Variants in LTBP1 observed in about 807,000 individuals in gnomAD.
LTBP1 encodes the protein latent-transforming growth factor beta-binding protein 1.
A neutral mutation model predicts 207.6 loss-of-function variants in LTBP1; 129 were observed. That is an observed-to-expected ratio of 0.62 (90% CI 0.54 to 0.72). The LOEUF (loss-of-function observed/expected upper bound fraction) is 0.72, where lower values mean the gene tolerates loss of function less well. Among genes scored for constraint, LTBP1 ranks in the 30% least tolerant of loss-of-function variants. The pLI, the probability that LTBP1 is intolerant of heterozygous loss-of-function variation, is 0.00. For missense variants in LTBP1, 2,281 were observed against 2,217.2 expected, an observed-to-expected ratio of 1.03 and a Z score of -0.58; for synonymous variants, 963 against 833.7, an observed-to-expected ratio of 1.16 and a Z score of -2.67.
At chr2:33,122,259 C>T (rs2081176475) in intron 4 of LTBP1, among the ~76,000 whole-genome samples, 1 of 152,190 alleles carries the variant, frequency 6.6e-6, no homozygotes, top group Admixed American at 6.5e-5. Flanking sequence ...CTGCCAACTC[C>T]CTTGAAATGT....
chr2:33,128,053 T>C (rs1046108915), intron 4 of LTBP1, among the ~76,000 whole-genome samples: 2 of 152,136 alleles, frequency 1.3e-5, no homozygotes, highest in East Asian at 1.9e-4. Flanking sequence ...AAGTGTGTGG[T>C]AGAGATAATT....
rs868717776 is a variant in LTBP1 at position 33,293,167 on chromosome 2, C to T, written c.3120C>T (p.Asp1040=). The stretch of plus-strand genomic sequence containing the variant: ...TACGCAACATTCTTCAAGATGTGGA[C>T]GAGTGCCTGGAACCAAACGTCTGCG... ...RGWNGQCLDV[D]ECLEPNVCAN... The change falls in exon 20 of 34, where the codon GAC becomes GAT. Residue 1040 remains aspartate, a synonymous_variant. Transcript: ENST00000404816. The T allele has an allele frequency of 1.9e-6, 3 of 1,612,666 alleles. No individual in the cohort carries two copies. The highest frequency in any genetic ancestry group is 1.1e-5 in the South Asian group (1 of 90,640).
At chr2:33,259,556 G>A (rs1349327553) in intron 12 of LTBP1, 32 bp from the exon 13 acceptor site, 1 of 1,551,364 alleles carries the variant, frequency 6.4e-7, no homozygotes, top group African/African-American at 1.4e-5. Context: ...GTCTTAAATG[G>A]TACTAATACC....
At chr2:33,361,586 T>G in intron 28 of LTBP1, 71 bp downstream of exon 28, 1 of 1,103,430 alleles carries the variant, frequency 9.1e-7, no homozygotes, top group East Asian at 2.4e-5. Flanking sequence ...AAACATGGCT[T>G]GGGTTTCACA....
intron 26 of LTBP1, among the ~76,000 whole-genome samples, chr2:33,352,239 C>G (rs893634928): frequency 1.3e-5 from 2 of 152,098 alleles, no homozygotes; most frequent in African/African-American, 4.8e-5. Flanking sequence ...TCAAGTGATT[C>G]TCCTGCCTCA....
At chr2:33,294,046 C>A (rs548818164) in intron 20 of LTBP1, among the ~76,000 whole-genome samples, 8 of 114,068 alleles carry the variant, frequency 7.0e-5, no homozygotes, top group Non-Finnish European at 1.3e-4. Flanking sequence ...CACTGTGTTG[C>A]CCAGGCTAGA....
chr2:33,361,520 G>C lies in LTBP1; in HGVS notation c.4270+5G>C. 1.2e-6 allele frequency: 2 copies of C among 1,605,222 alleles called. No individual in the cohort carries two copies. The highest frequency in any genetic ancestry group is 1.7e-6 in the Non-Finnish European group (2 of 1,173,498). On this transcript the variant is annotated splice_donor_5th_base_variant and intron_variant, in intron 28 of 33. Transcript: ENST00000404816. ...CTGGTGGTGAGAACTATAAAGGTCA[G>C]AATCAAGTGGAAACAAATTTTCAGC...
At chr2:33,016,143 T>C (rs1484246569) in intron 2 of LTBP1, among the ~76,000 whole-genome samples, 11 of 152,140 alleles carry the variant, frequency 7.2e-5, no homozygotes, top group East Asian at 1.9e-4. Context: ...ATTGTTCTCA[T>C]TGGATTGAGG....
rs914900378 is a variant in LTBP1, at chr2:33,399,439, G to A, written c.*894G>A. ...ACTCTCCCCACTTTTATCTTTTCCA[G>A]TGGTCTTCTGTTAATGTAGTGTCTT... is the stretch of plus-strand genomic sequence containing the variant. On this transcript the variant is annotated 3_prime_UTR_variant, in exon 34 of 34. Transcript: ENST00000404816. 6.6e-6 allele frequency: 1 copy of A among 152,152 alleles called. No individual in the cohort carries two copies. Among genetic ancestry groups the A allele is most frequent in the South Asian group, 2.1e-4 (1 of 4,830 alleles). The allele number at this position is 152,152 out of a possible 1,614,324, so 9.4% of individuals were successfully genotyped here.
intron 2 of LTBP1, among the ~76,000 whole-genome samples, chr2:32,972,159 C>T (rs1208403617): frequency 2.1e-5 from 3 of 143,480 alleles, no homozygotes; most frequent in African/African-American, 7.6e-5. Flanking sequence ...TCTTCTTTAT[C>T]ATTTCTGATT....
At chr2:33,144,299 C>T (rs1261201991) in intron 5 of LTBP1, among the ~76,000 whole-genome samples, 1 of 152,180 alleles carries the variant, frequency 6.6e-6, no homozygotes, top group Admixed American at 6.5e-5. Flanking sequence ...CTTGTTTACA[C>T]TTAAGCTTGC....
Position 33,315,197 on chromosome 2 carries a change from A to G in LTBP1, c.3658A>G (p.Asn1220Asp), listed in dbSNP as rs1411833700. 1.2e-6 allele frequency: 2 copies of G among 1,613,424 alleles called. No homozygotes were observed. The highest frequency in any genetic ancestry group is 1.7e-6 in the Non-Finnish European group (2 of 1,179,786). The change falls in exon 24 of 34, where the codon AAC becomes GAC. Residue 1220 changes from asparagine to aspartate, a missense_variant. By Grantham distance (23) the Asn-to-Asp change is conservative. Around this residue, in one of 3 missense-constraint regions of LTBP1, gnomAD observed 1,671 missense variants for 1,634.8 expected, o/e 1.02. Transcript: ENST00000404816. Reference sequence around the variant, plus strand: ...CTGTGGTCCGCAAGGGGAGTGCCTAAACACAGAGGGTTCTTTCCATTGTGT... The same window carrying G: ...CTGTGGTCCGCAAGGGGAGTGCCTAGACACAGAGGGTTCTTTCCATTGTGT... Reference protein sequence around the residue: ...GLCGPQGECLNTEGSFHCVCQ... With the variant: ...GLCGPQGECLDTEGSFHCVCQ...
At chr2:33,326,052 T>C (rs1249522028) in intron 24 of LTBP1, among the ~76,000 whole-genome samples, 1 of 150,524 alleles carries the variant, frequency 6.6e-6, no homozygotes, top group Non-Finnish European at 1.5e-5. Flanking sequence ...ACAGATGACT[T>C]ATAGTGTTTA....
At chr2:33,036,787 T>C (rs1223554202) in intron 3 of LTBP1, among the ~76,000 whole-genome samples, 2 of 152,200 alleles carry the variant, frequency 1.3e-5, no homozygotes, top group African/African-American at 4.8e-5. Context: ...ACAAGTCTTC[T>C]GTTGCATAGT....
At chr2:33,382,618 C>T (rs1368462970) in intron 31 of LTBP1, among the ~76,000 whole-genome samples, 1 of 152,152 alleles carries the variant, frequency 6.6e-6, no homozygotes, top group African/African-American at 2.4e-5. Context: ...ACTCTCAGGT[C>T]CCACCCTGTC....
intron 4 of LTBP1, 85 bp downstream of exon 4, chr2:33,110,836 G>C: frequency 8.2e-7 from 1 of 1,216,814 alleles, no homozygotes; most frequent in Non-Finnish European, 1.1e-6. Context: ...GCTTTAATGT[G>C]TCACAGTAAA....
chr2:33,091,801 A>G (rs2079109591), intron 3 of LTBP1, among the ~76,000 whole-genome samples: 1 of 152,090 alleles, frequency 6.6e-6, no homozygotes, highest in Admixed American at 6.5e-5. Flanking sequence ...GTCCAGTTTC[A>G]TAATCTGCCT....
intron 5 of LTBP1, among the ~76,000 whole-genome samples, chr2:33,158,149 A>T (rs867047875): frequency 2.3e-5 from 1 of 43,470 alleles, no homozygotes; most frequent in African/African-American, 7.7e-5. Context: ...AAAAAAAAAC[A>T]AAAAAAAAAA....
At chr2:33,375,342 T>G (rs1387208485) in intron 31 of LTBP1, among the ~76,000 whole-genome samples, 1 of 152,140 alleles carries the variant, frequency 6.6e-6, no homozygotes, top group East Asian at 1.9e-4. Flanking sequence ...GAAGTCTCTT[T>G]GAAAGGGGCC....
Sources: allele counts gnomAD v4.1 joint callset (sites outside exome capture counted in the v4.1 genomes callset), GRCh38; gene constraint gnomAD v4.1.1; regional missense constraint gnomAD v4.1.1; transcripts MANE v1.5; gene names NCBI Gene and HGNC (gene_info 2026-07-23, HGNC 2026-07-21).